The following EBPL variants were observed in gnomAD, a reference collection of about 807,000 sequenced individuals.
EBPL encodes the protein emopamil-binding protein-like.
A neutral mutation model predicts 19.0 loss-of-function variants in EBPL; 20 were observed. That is an observed-to-expected ratio of 1.05 (90% CI 0.74 to 1.53). EBPL has a LOEUF of 1.53. EBPL is among the 40% of genes most tolerant of loss of function. The probability of loss-of-function intolerance (pLI) is 0.00; values close to 1 mark genes in which losing one functional copy is unlikely to be tolerated. For synonymous variants in EBPL, 107 were observed against 117.0 expected, an observed-to-expected ratio of 0.91 and a Z score of 0.55; for missense variants, 219 against 261.1, an observed-to-expected ratio of 0.84 and a Z score of 1.11.
At chr13:49,666,884 GTTAAAAAAA>G (rs1449644393) in intron 2 of EBPL, among the ~76,000 whole-genome samples, 1 of 106,634 alleles carries the variant, frequency 9.4e-6, no homozygotes, top group African/African-American at 3.1e-5. Context: ...GCGAGACTCT[GTTAAAAAAA>G]AAAGAAAAAA....
Position 49,663,113 on chromosome 13 carries a change from C to G in EBPL, c.324G>C (p.Leu108=). 1 of 1,614,162 alleles carries G rather than the reference C, an allele frequency of 6.2e-7. No homozygotes were observed. The highest frequency in any genetic ancestry group is 1.1e-5 in the South Asian group (1 of 91,084). Residue 108 remains leucine, a synonymous_variant, in exon 3 of 4, where the codon CTG becomes CTC. Transcript: ENST00000242827. ...IVSVEILTVA[L]DGSLALFLIY... is the part of the protein sequence containing the mutation. ...TGAGGAACAATGCCAGAGACCCATC[C>G]AGGGCGACGGTCAGAATTTCCACAG...
intron 2 of EBPL, among the ~76,000 whole-genome samples, chr13:49,669,471 C>A (rs1016694419): frequency 6.6e-6 from 1 of 152,196 alleles, no homozygotes; most frequent in Admixed American, 6.5e-5. Context: ...GCCACACAAT[C>A]TACCTATTTA....
intron 2 of EBPL, among the ~76,000 whole-genome samples, 155 bp downstream of exon 2, chr13:49,669,622 C>T (rs1017985183): frequency 7.2e-5 from 11 of 152,004 alleles, no homozygotes; most frequent in African/African-American, 1.7e-4. Flanking sequence ...CCCTCATTCC[C>T]ACGCAACCAG....
chr13:49,661,091 C>T lies in EBPL; in HGVS notation c.498G>A (p.Trp166Ter), dbSNP rs987679242. 1 of 1,613,990 alleles carries T rather than the reference C, an allele frequency of 6.2e-7. No individual in the cohort carries two copies. The highest frequency in any genetic ancestry group is 8.5e-7 in the Non-Finnish European group (1 of 1,180,026). Residue 166 changes from tryptophan to a stop codon, truncating the protein, a stop_gained, in exon 4 of 4, where the codon TGG (tryptophan) becomes TGA (stop). Transcript: ENST00000242827. LOFTEE classifies it high-confidence loss of function. ...CACCGTTAAAAAAAAACAGGTAAAG[C>T]CAACAGTACAGCCAGTTGCTGGTGT... ...NLNTSNWLYC[W>*]LYLFFFNGVW... is the part of the protein sequence containing the mutation.
intron 2 of EBPL, among the ~76,000 whole-genome samples, chr13:49,663,692 C>T (rs1965181633): frequency 6.6e-6 from 1 of 152,042 alleles, no homozygotes; most frequent in Non-Finnish European, 1.5e-5. Context: ...AATCCCAACA[C>T]TTTGGGAGGC....
At chr13:49,672,194 T>C (rs537538319) in intron 1 of EBPL, among the ~76,000 whole-genome samples, 65 of 152,240 alleles carry the variant, frequency 4.3e-4, no homozygotes, top group Non-Finnish European at 7.1e-4. Context: ...GTTCCGTGTT[T>C]GCTAACCTTG....
At chr13:49,677,171 A>G (rs965135486) in intron 1 of EBPL, among the ~76,000 whole-genome samples, 4 of 152,204 alleles carry the variant, frequency 2.6e-5, no homozygotes, top group Non-Finnish European at 4.4e-5. Flanking sequence ...AAATAGACCA[A>G]CAAACACTTG....
chr13:49,672,376 A>T (rs1346554613), intron 1 of EBPL, among the ~76,000 whole-genome samples: 1 of 152,208 alleles, frequency 6.6e-6, no homozygotes, highest in African/African-American at 2.4e-5. Context: ...TCCTCCAGGA[A>T]GCAAGATTTT....
intron 1 of EBPL, among the ~76,000 whole-genome samples, chr13:49,678,466 G>C (rs918940358): frequency 3.9e-5 from 6 of 152,226 alleles, no homozygotes; most frequent in African/African-American, 1.4e-4. Flanking sequence ...TGGGGAAGCG[G>C]CTCAGGCCCG....
intron 1 of EBPL, among the ~76,000 whole-genome samples, chr13:49,680,407 G>A (rs890164966): frequency 2.0e-5 from 3 of 152,024 alleles, no homozygotes; most frequent in Non-Finnish European, 4.4e-5. Context: ...AGGGAGAGAA[G>A]GACAAAAACA....
chr13:49,661,794 G>A lies in EBPL; in HGVS notation c.381-586C>T. 2.0e-6 allele frequency: 3 copies of A among 1,526,818 alleles called. No homozygotes were observed. The South Asian group carries it at 3.7e-5, about 19-fold the overall frequency. The allele number at this position is 1,526,818 out of a possible 1,614,324, so 94.6% of individuals were successfully genotyped here. A position where few individuals can be genotyped will look rare whatever the true frequency, so the allele number is the denominator to read the frequency against. ...ATTGCCAACTATCTCTCTAAAATTG[G>A]GTGGGGAAGGAAGCTTTAAATAAGA... On this transcript the variant is annotated intron_variant, in intron 3 of 3. Coordinates refer to ENST00000242827, the MANE Select transcript of EBPL (RefSeq NM_032565.5).
At chr13:49,680,040 T>C (rs1026096017) in intron 1 of EBPL, among the ~76,000 whole-genome samples, 8 of 151,996 alleles carry the variant, frequency 5.3e-5, no homozygotes, top group Non-Finnish European at 1.2e-4. Flanking sequence ...GAGAGGATGG[T>C]GAGGACCCTA....
At chr13:49,679,285 C>A (rs1428155928) in intron 1 of EBPL, among the ~76,000 whole-genome samples, 1 of 152,164 alleles carries the variant, frequency 6.6e-6, no homozygotes, top group Non-Finnish European at 1.5e-5. Context: ...GGAAGGTTAT[C>A]AGCTCCAAAG....
At chr13:49,675,854 T>G (rs1953869619) in intron 1 of EBPL, among the ~76,000 whole-genome samples, 1 of 150,072 alleles carries the variant, frequency 6.7e-6, no homozygotes, top group Non-Finnish European at 1.5e-5. Context: ...TGGCCAACAC[T>G]TGTTATTTTC....
chr13:49,674,874 T>C (rs9316472), intron 1 of EBPL, among the ~76,000 whole-genome samples: 24,195 of 152,126 alleles, frequency 0.16, 2,796 homozygotes, highest in East Asian at 0.65. Flanking sequence ...TCAGGGGTAC[T>C]GTGTACATTA....
At chr13:49,661,872 T>C (rs975199867) in intron 3 of EBPL, 3 of 1,550,558 alleles carry the variant, frequency 1.9e-6, no homozygotes, top group Non-Finnish European at 2.6e-6. Flanking sequence ...CTACTTGAAA[T>C]TGTTTTAGGG....
intron 1 of EBPL, among the ~76,000 whole-genome samples, chr13:49,673,962 T>TACATACAC (rs71188372): frequency 7.0e-6 from 1 of 143,270 alleles, no homozygotes; most frequent in Admixed American, 7.2e-5. Flanking sequence ...TGGAACTTAA[T>TACATACAC]ACACACACAC....
At chr13:49,681,891 G>C (rs188367777) in intron 1 of EBPL, among the ~76,000 whole-genome samples, 1 of 152,324 alleles carries the variant, frequency 6.6e-6, no homozygotes, top group East Asian at 1.9e-4. Flanking sequence ...AAGAGTGAGA[G>C]AATGAAGTGG....
chr13:49,668,302 G>T (rs1446075247), intron 2 of EBPL: 8 of 189,246 alleles, frequency 4.2e-5, no homozygotes, highest in African/African-American at 7.2e-5. Flanking sequence ...GGCCAGGCGC[G>T]GTGGCTCATG....
Sources: allele counts gnomAD v4.1 joint callset (sites outside exome capture counted in the v4.1 genomes callset), GRCh38; gene constraint gnomAD v4.1.1; transcripts MANE v1.5; gene names NCBI Gene and HGNC (gene_info 2026-07-23, HGNC 2026-07-21).